The following SARDH variants were observed in gnomAD, a reference collection of about 807,000 sequenced individuals.
SARDH encodes sarcosine dehydrogenase, also known as sarcosine dehydrogenase, mitochondrial.
A neutral mutation model predicts 109.1 loss-of-function variants in SARDH; 95 were observed. The observed-to-expected ratio is 0.87, with a 90% CI of 0.74 to 1.03. The LOEUF is 1.03. SARDH is among the 50% of genes least tolerant of loss of function. The pLI is 0.00. For synonymous variants in SARDH, 572 were observed against 534.8 expected, an observed-to-expected ratio of 1.07 and a Z score of -0.96; for missense variants, 1,267 against 1,287.8, an observed-to-expected ratio of 0.98 and a Z score of 0.25.
downstream of SARDH, among the ~76,000 whole-genome samples, chr9:133,662,404 G>A (rs1457777186): frequency 2.6e-5 from 4 of 152,108 alleles, no homozygotes; most frequent in Non-Finnish European, 5.9e-5. This position sits in a 1 kb window ranked among gnomAD's most constrained non-coding sequence, Gnocchi z 5.1. Context: ...GCCATCTGGG[G>A]AGCCGGCTCC....
In SARDH at chr9:133,690,393, G is replaced by C; in HGVS notation, c.2056C>G (p.Gln686Glu). 6.2e-7 allele frequency: 1 copy of C among 1,612,142 alleles called. No individual in the cohort carries two copies. The change falls in exon 16 of 21, where the codon CAG becomes GAG. Residue 686 changes from glutamine to glutamate, a missense_variant. Transcript: ENST00000439388. ...GTCCTCTCTCACCTGGCTGGGCCCTGGATACTGATCATACCCAGGTCCTCG... is the reference window on the plus strand; with the variant it reads ...GTCCTCTCTCACCTGGCTGGGCCCTCGATACTGATCATACCCAGGTCCTCG... ...SSEDLGMISIQGPASRAILQE... is the reference protein window; with the variant it reads ...SSEDLGMISIEGPASRAILQE...
chr9:133,733,760 A>G lies in SARDH; in HGVS notation c.331+83T>C, dbSNP rs901848869. 3.6e-5 allele frequency: 47 copies of G among 1,308,220 alleles called. No homozygotes were observed. In the Middle Eastern group the frequency reaches 7.6e-4, roughly 21 times the overall value. The allele number at this position is 1,308,220 out of a possible 1,614,324, so 81.0% of individuals were successfully genotyped here. On this transcript the variant is annotated intron_variant, in intron 2 of 20. Transcript: ENST00000439388. ...TTCCCCAGGCTGGTTGTTGTGAACC[A>G]AGAACTGTCCCAGCTAGCAATGGGC... is the stretch of plus-strand genomic sequence containing the variant.
At chr9:133,721,985 A>C (rs1421359617) in intron 6 of SARDH, among the ~76,000 whole-genome samples, 1 of 152,078 alleles carries the variant, frequency 6.6e-6, no homozygotes, top group Non-Finnish European at 1.5e-5. Context: ...GTGTCGTGGC[A>C]CATGCCTGTA....
At chr9:133,667,678 C>T (rs757430171) in intron 19 of SARDH, among the ~76,000 whole-genome samples, 16 of 152,086 alleles carry the variant, frequency 1.1e-4, no homozygotes, top group Admixed American at 7.2e-4. Flanking sequence ...TGGGTTATCA[C>T]GGCGGCAGCT....
rs1830907700 is a variant in SARDH at position 133,686,961 on chromosome 9, G to A, written c.2070-1675C>T. ...GGAAGGGACCCTGGGGCAGAAGCCT[G>A]GAGCTGCCACCTGGTCCAAGGCTTT... On this transcript the variant is annotated intron_variant, in intron 16 of 20. Coordinates refer to ENST00000439388, the MANE Select transcript of SARDH (RefSeq NM_001134707.2). The surrounding 1 kb of genome is among the most constrained non-coding windows in gnomAD (Gnocchi z 4.0). 6.6e-6 allele frequency among the ~76,000 whole-genome samples: 1 copy of A among 152,146 alleles called. No homozygotes were observed.
chr9:133,665,456 A>C, intron 20 of SARDH, among the ~76,000 whole-genome samples: 1 of 152,096 alleles, frequency 6.6e-6, no homozygotes, highest in East Asian at 1.9e-4. Context: ...CCCACATATT[A>C]AGACTCACTC....
rs1379400858 is a variant in SARDH at position 133,666,142 on chromosome 9, G to A, written c.2631+593C>T. On this transcript the variant is annotated intron_variant, in intron 20 of 20. Coordinates refer to ENST00000439388, the MANE Select transcript of SARDH (RefSeq NM_001134707.2). The surrounding 1 kb of genome is among the most constrained non-coding windows in gnomAD (Gnocchi z 5.2). ...AGCCTGTTCCTGCCTCCTGCAGCCA[G>A]GGGTCAGGGTCACCTGGAGGGGGTG... is the stretch of plus-strand genomic sequence containing the variant. Among the ~76,000 whole-genome samples, 1 of 152,170 alleles carries A rather than the reference G, an allele frequency of 6.6e-6. No individual in the cohort carries two copies.
At chr9:133,720,795 T>C (rs1290152552) in intron 6 of SARDH, among the ~76,000 whole-genome samples, 2 of 152,170 alleles carry the variant, frequency 1.3e-5, no homozygotes, top group Non-Finnish European at 2.9e-5. Flanking sequence ...TGGGGATTAT[T>C]ACGATTCAAG....
At chr9:133,722,998 C>G (rs796179773) in intron 6 of SARDH, among the ~76,000 whole-genome samples, 6 of 152,188 alleles carry the variant, frequency 3.9e-5, no homozygotes, top group African/African-American at 1.4e-4. Context: ...ATTGAATAAT[C>G]TGAAAAGGAA....
At chr9:133,710,762 TG>T (rs1350605839) in intron 10 of SARDH, among the ~76,000 whole-genome samples, 7 of 152,222 alleles carry the variant, frequency 4.6e-5, no homozygotes, top group African/African-American at 1.4e-4. Flanking sequence ...CTACAGCCCT[TG>T]GGGGCCGGTG....
rs1460384998 is a variant in SARDH at position 133,705,028 on chromosome 9, G to T, written c.1474C>A (p.Leu492Ile). 1 of 1,589,560 alleles carries T rather than the reference G, an allele frequency of 6.3e-7. No individual in the cohort carries two copies. The highest frequency in any genetic ancestry group is 1.2e-5 in the South Asian group (1 of 86,792). The change falls in exon 12 of 21, where the codon CTC becomes ATC. Residue 492 changes from leucine (L) to isoleucine (I), a missense_variant. Physicochemically the swap from Leu to Ile is conservative, Grantham distance 5 (BLOSUM62 2). Coordinates refer to ENST00000439388, the MANE Select transcript of SARDH (RefSeq NM_001134707.2). The stretch of plus-strand genomic sequence containing the variant: ...TGGAACACGCAGCCTTGTCCAAGGA[G>T]TTCCTGAGCAGGAGTGGGGAACAGG... ...NMRRDPLHEE[L>I]LGQGCVFQER...
chr9:133,733,274 G>A (rs913095134), intron 2 of SARDH, among the ~76,000 whole-genome samples: 1 of 152,196 alleles, frequency 6.6e-6, no homozygotes, highest in African/African-American at 2.4e-5. Context: ...GGCCAGGGTG[G>A]GAGTGTTCAC....
chr9:133,674,221 A>C (rs890698110), intron 17 of SARDH, among the ~76,000 whole-genome samples: 6 of 152,230 alleles, frequency 3.9e-5, no homozygotes, highest in Admixed American at 2.6e-4. Context: ...ATCCAGAACA[A>C]ACACGGGCTC....
intron 6 of SARDH, among the ~76,000 whole-genome samples, chr9:133,724,732 G>T (rs1036977226): frequency 7.7e-5 from 11 of 143,598 alleles, no homozygotes; most frequent in South Asian, 2.2e-4. Flanking sequence ...TTTTTTTTTT[G>T]ATTTTGGATG....
chr9:133,717,522 C>T, intron 7 of SARDH, 67 bp from the exon 8 acceptor site: 1 of 1,594,940 alleles, frequency 6.3e-7, no homozygotes, highest in Non-Finnish European at 8.6e-7. Flanking sequence ...CATGCCAAAC[C>T]TGCCTTGTGA....
chr9:133,707,490 A>G (rs1008560202), intron 11 of SARDH, among the ~76,000 whole-genome samples: 2 of 152,114 alleles, frequency 1.3e-5, no homozygotes, highest in Non-Finnish European at 2.9e-5. Context: ...AGGTACAGCT[A>G]ATACCAGGAT....
At chr9:133,703,097 G>A (rs974249889) in intron 12 of SARDH, 68 bp from the exon 13 acceptor site, 49 of 1,406,010 alleles carry the variant, frequency 3.5e-5, no homozygotes, top group Non-Finnish European at 4.6e-5. Context: ...CCCAGAGCGG[G>A]GTCCCGCTGA....
intron 2 of SARDH, 102 bp from the exon 3 acceptor site, chr9:133,732,703 T>C (rs1463810977): frequency 3.0e-6 from 4 of 1,330,366 alleles, no homozygotes; most frequent in African/African-American, 2.9e-5. Context: ...CATGGGTGTC[T>C]TTCTCTGCAA....
chr9:133,690,889 C>A (rs1194529929), intron 15 of SARDH, among the ~76,000 whole-genome samples: 1 of 152,164 alleles, frequency 6.6e-6, no homozygotes, highest in Non-Finnish European at 1.5e-5. Flanking sequence ...CTTCTCACCT[C>A]TCTGAGCCCC....
Sources: allele counts gnomAD v4.1 joint callset (sites outside exome capture counted in the v4.1 genomes callset), GRCh38; gene constraint gnomAD v4.1.1; non-coding constraint Gnocchi (gnomAD v3.1); transcripts MANE v1.5; gene names NCBI Gene and HGNC (gene_info 2026-07-23, HGNC 2026-07-21).